The following ICA1 variants were observed in gnomAD, a reference collection of about 807,000 sequenced individuals.
The protein encoded by ICA1 is islet cell autoantigen 1, also known as 69 kDa islet cell autoantigen.
Under a neutral mutation model 71.0 loss-of-function variants are expected in ICA1, and 40 were observed. The observed-to-expected ratio is 0.56, with a 90% CI of 0.44 to 0.73. The LOEUF (loss-of-function observed/expected upper bound fraction) is 0.73, where lower values mean the gene tolerates loss of function less well. ICA1 is among the 30% of genes least tolerant of loss of function. The probability of loss-of-function intolerance (pLI) is 0.00; values close to 1 mark genes in which losing one functional copy is unlikely to be tolerated. For synonymous variants in ICA1, 207 were observed against 209.5 expected (o/e 0.99, Z 0.10); for missense variants, 578 against 576.5 (o/e 1.00, Z -0.03).
rs1182153637 is a variant in ICA1, at chr7:8,206,944, T to TAA, written c.579+11360_579+11361insTT. 3.9e-5 allele frequency among the ~76,000 whole-genome samples: 6 copies of TAA among 152,304 alleles called. No individual in the cohort carries two copies. In the East Asian group the frequency reaches 1.2e-3, roughly 29 times the overall value. On this transcript the variant is annotated intron_variant, in intron 6 of 13. Transcript: ENST00000402384. Reference sequence around the variant, plus strand: ...GAACCTCTCTCAGAACATGAACTAATACCCATGAACTATTTTTGCTTGTAA... The same window carrying TAA: ...GAACCTCTCTCAGAACATGAACTAATAAACCCATGAACTATTTTTGCTTGTAA...
At position 8,139,025 on chromosome 7, in the gene ICA1, T is replaced by G; in HGVS notation, c.978A>C (p.Leu326Phe). The G allele has an allele frequency of 6.2e-7, 1 of 1,613,564 alleles. No individual in the cohort carries two copies. The highest frequency in any genetic ancestry group is 8.5e-7 in the Non-Finnish European group (1 of 1,179,560). The change falls in exon 11 of 14, where the codon TTA (leucine) becomes TTC (phenylalanine). Residue 326 changes from leucine (L) to phenylalanine (F), a missense_variant. Leu to Phe is a conservative substitution (Grantham distance 22). Transcript: ENST00000402384. ...GTGTAGAGCCTTTGTCTAAGGCAGA[T>G]AAAATACTTTTTCCATCTTCAGCTG... ...SFKTEDGKSI[L>F]SALDKGSTHT...
intron 6 of ICA1, among the ~76,000 whole-genome samples, chr7:8,213,887 A>C (rs1312487405): frequency 6.6e-6 from 1 of 152,230 alleles, no homozygotes; most frequent in Non-Finnish European, 1.5e-5. Flanking sequence ...ACAGTCTCCA[A>C]AACCTAACAC....
chr7:8,258,004 C>G (rs80281559), intron 1 of ICA1, among the ~76,000 whole-genome samples: 1,628 of 152,226 alleles, frequency 0.011, 12 homozygotes, highest in Non-Finnish European at 0.017. Context: ...CCTTATTTAC[C>G]TGCTGAATTC....
chr7:8,175,651 C>A (rs7787117), intron 6 of ICA1, among the ~76,000 whole-genome samples: 3 of 151,954 alleles, frequency 2.0e-5, no homozygotes, highest in Non-Finnish European at 4.4e-5. Flanking sequence ...AGCCACCAAA[C>A]TTTTTCCCTA....
At chr7:8,152,622 TCCACCACTA>T (rs1799373297) in intron 8 of ICA1, among the ~76,000 whole-genome samples, 1 of 115,076 alleles carries the variant, frequency 8.7e-6, no homozygotes, top group Non-Finnish European at 1.9e-5. Context: ...CATCACCTCT[TCCACCACTA>T]CCACCATCTC....
At chr7:8,194,827 G>C (rs1786873062) in intron 6 of ICA1, among the ~76,000 whole-genome samples, 1 of 152,020 alleles carries the variant, frequency 6.6e-6, no homozygotes, top group Non-Finnish European at 1.5e-5. Context: ...TTTAAATGTA[G>C]GTATTGGGTC....
intron 3 of ICA1, among the ~76,000 whole-genome samples, chr7:8,230,049 G>A (rs1799784325): frequency 6.6e-6 from 1 of 152,194 alleles, no homozygotes; most frequent in African/African-American, 2.4e-5. Flanking sequence ...TGTGAGTTAT[G>A]ACAATTATAT....
intron 6 of ICA1, among the ~76,000 whole-genome samples, chr7:8,175,365 T>C (rs563323029): frequency 6.6e-6 from 1 of 152,328 alleles, no homozygotes; most frequent in Non-Finnish European, 1.5e-5. Flanking sequence ...CATTTCCTCC[T>C]AAACATTCAT....
intron 6 of ICA1, among the ~76,000 whole-genome samples, chr7:8,165,298 A>G (rs536401634): frequency 6.6e-6 from 1 of 152,350 alleles, no homozygotes; most frequent in Non-Finnish European, 1.5e-5. Flanking sequence ...AGCAATTTTC[A>G]TATTTTATTA....
In ICA1 at chr7:8,158,410, G is replaced by A. The variant is rs1040819407; in HGVS notation, c.705+117C>T. 6 of 1,274,156 alleles carry A rather than the reference G, an allele frequency of 4.7e-6. No homozygotes were observed. The Admixed American group carries it at 6.1e-5, about 13-fold the overall frequency. 78.9% of individuals were successfully genotyped at this position (1,274,156 alleles called of 1,614,324 possible). ...GCAGAGATGTGGGAAGTGAAATTAC[G>A]GAAAGGCATTCAGAACTTCACAATG... is the stretch of plus-strand genomic sequence containing the variant. On this transcript the variant is annotated intron_variant, in intron 7 of 13. Transcript: ENST00000402384.
At chr7:8,256,517 C>T (rs953023429) in intron 1 of ICA1, among the ~76,000 whole-genome samples, 5 of 152,102 alleles carry the variant, frequency 3.3e-5, no homozygotes, top group Non-Finnish European at 7.4e-5. Flanking sequence ...GTCTGATTGC[C>T]TAACTTAGAA....
chr7:8,141,054 C>T (rs887140265), intron 10 of ICA1, among the ~76,000 whole-genome samples: 1 of 152,196 alleles, frequency 6.6e-6, no homozygotes, highest in Admixed American at 6.5e-5. Context: ...CCCGCATCTC[C>T]GAGGAGCTTG....
chr7:8,141,854 C>A (rs781023064), intron 9 of ICA1, 37 bp from the exon 10 acceptor site: 1 of 1,450,844 alleles, frequency 6.9e-7, no homozygotes, highest in Non-Finnish European at 9.6e-7. Context: ...TCAACTTCTA[C>A]CAATGTTATA....
At chr7:8,196,232 A>G (rs569706274) in intron 6 of ICA1, among the ~76,000 whole-genome samples, 8 of 152,246 alleles carry the variant, frequency 5.3e-5, no homozygotes, top group Non-Finnish European at 1.2e-4. Context: ...AGTACATATT[A>G]CTAAGTGAAA....
intron 6 of ICA1, among the ~76,000 whole-genome samples, chr7:8,214,533 C>A (rs1794788399): frequency 1.3e-5 from 2 of 152,204 alleles, no homozygotes; most frequent in South Asian, 4.1e-4. Flanking sequence ...CTATGTGCAG[C>A]CACACTCTCC....
At chr7:8,229,373 C>T (rs367770488) in intron 3 of ICA1, among the ~76,000 whole-genome samples, 3 of 152,174 alleles carry the variant, frequency 2.0e-5, no homozygotes, top group African/African-American at 2.4e-5. Flanking sequence ...GATTTCAATG[C>T]GTGGCGGTTC....
At position 8,221,387 on chromosome 7, in the gene ICA1, C is replaced by T. The variant is rs1280264550; in HGVS notation, c.268G>A (p.Glu90Lys). 1 of 1,613,228 alleles carries T rather than the reference C, an allele frequency of 6.2e-7. No homozygotes were observed. Residue 90 changes from glutamate (E) to lysine (K), a missense_variant, in exon 5 of 14, where the codon GAA becomes AAA. Transcript: ENST00000402384. ...AGAAATTTTCCCAGTTCGTTTTCTT[C>T]TTGAGACAAGACTGATGAAGAAAAG... ...YQKRICFLSQ[E>K]ENELGKFLRS... is the part of the protein sequence containing the mutation.
rs545915809 is a variant in ICA1, at chr7:8,144,461, A to G, written c.805-489T>C. 9.2e-5 allele frequency among the ~76,000 whole-genome samples: 14 copies of G among 152,352 alleles called. No homozygotes were observed. Among genetic ancestry groups the G allele is most frequent in the African/African-American group, 3.4e-4 (14 of 41,570 alleles). ...AAACCCAGTTTTAAAAAATAACAGA[A>G]AACAAAACCTTTTCTTAAAAAACCA... is the stretch of plus-strand genomic sequence containing the variant. On this transcript the variant is annotated intron_variant, in intron 8 of 13. Coordinates refer to ENST00000402384, the MANE Select transcript of ICA1 (RefSeq NM_001136020.3). This position sits in a 1 kb window ranked among gnomAD's most constrained non-coding sequence, Gnocchi z 4.5.
chr7:8,176,617 G>C (rs980920207), intron 6 of ICA1, among the ~76,000 whole-genome samples: 4 of 152,210 alleles, frequency 2.6e-5, no homozygotes, highest in African/African-American at 7.2e-5. Flanking sequence ...AGAGACGATA[G>C]CAGAATGAGT....
Sources: gnomAD v4.1 joint callset for allele counts (sites outside exome capture counted in the v4.1 genomes callset) on GRCh38, gnomAD v4.1.1 for gene constraint, Gnocchi (gnomAD v3.1) non-coding constraint, MANE v1.5 for transcripts, NCBI Gene and HGNC (gene_info 2026-07-23, HGNC 2026-07-21) for gene names.